The following PCDHGB3 variants were observed in gnomAD, a reference collection of about 807,000 sequenced individuals.
The protein encoded by PCDHGB3 is protocadherin gamma-B3.
A neutral mutation model predicts 59.2 loss-of-function variants in PCDHGB3; 40 were observed. That is an observed-to-expected ratio of 0.68 (90% CI 0.52 to 0.88). The LOEUF (loss-of-function observed/expected upper bound fraction) is 0.88, where lower values mean the gene tolerates loss of function less well. Ranked by LOEUF, PCDHGB3 falls within the 40% of genes least tolerant of loss-of-function variation. The pLI is 0.00. For synonymous variants in PCDHGB3, 581 were observed against 503.6 expected (o/e 1.15, Z -2.06); for missense variants, 1,309 against 1,187.9 (o/e 1.10, Z -1.50).
At chr5:141,406,043 A>G (rs1346440934) in intron 1 of PCDHGB3, among the ~76,000 whole-genome samples, 3 of 150,174 alleles carry the variant, frequency 2.0e-5, no homozygotes, top group East Asian at 3.9e-4. Context: ...CATTGGTTGC[A>G]GTGGACTCAT....
At chr5:141,417,781 G>C in intron 1 of PCDHGB3, 1 of 1,473,574 alleles carries the variant, frequency 6.8e-7, no homozygotes. Flanking sequence ...CCTGTCCTGG[G>C]CCGAATGCTC....
intron 1 of PCDHGB3, chr5:141,417,735 C>T (rs1408012587): frequency 1.4e-6 from 2 of 1,398,382 alleles, no homozygotes; most frequent in African/African-American, 2.9e-5. Flanking sequence ...CCTTGCCCAG[C>T]ACACCAGATT....
chr5:141,476,036 A>G lies in PCDHGB3; in HGVS notation c.2416-18771A>G. The G allele has an allele frequency of 1.4e-6, 2 of 1,471,164 alleles. No individual in the cohort carries two copies. Among genetic ancestry groups the G allele is most frequent in the Non-Finnish European group, 1.8e-6 (2 of 1,106,602 alleles). 91.1% of individuals were successfully genotyped at this position (1,471,164 alleles called of 1,614,324 possible). ...ATGTCGGACTCGGCGCCCAGCGCCCAAGCGCTAACCCGCTGAAAGTTTCTC... is the reference window on the plus strand; with the variant it reads ...ATGTCGGACTCGGCGCCCAGCGCCCGAGCGCTAACCCGCTGAAAGTTTCTC... On this transcript the variant is annotated intron_variant, in intron 1 of 3. Transcript: ENST00000576222. The surrounding 1 kb of genome is among the most constrained non-coding windows in gnomAD (Gnocchi z 7.6).
chr5:141,503,608 A>G (rs1451651299), intron 2 of PCDHGB3, among the ~76,000 whole-genome samples: 3 of 151,994 alleles, frequency 2.0e-5, no homozygotes, highest in South Asian at 2.1e-4. Flanking sequence ...CAAAAAAAAA[A>G]AAAAAAGAAA....
chr5:141,400,954 G>A (rs1195267748), intron 1 of PCDHGB3, among the ~76,000 whole-genome samples: 1 of 152,014 alleles, frequency 6.6e-6, no homozygotes, highest in African/African-American at 2.4e-5. Context: ...GATTTCACTG[G>A]TAGTTTTCAT....
chr5:141,405,059 G>A (rs374581472), intron 1 of PCDHGB3: 22 of 1,613,900 alleles, frequency 1.4e-5, no homozygotes, highest in Non-Finnish European at 1.9e-5. Flanking sequence ...CGTCTCCTGT[G>A]TCTTCCTCAC....
At chr5:141,423,250 G>T in intron 1 of PCDHGB3, 1 of 1,613,954 alleles carries the variant, frequency 6.2e-7, no homozygotes, top group Non-Finnish European at 8.5e-7. Context: ...AGTCCTGGCG[G>T]ACCTCGGCAG....
intron 1 of PCDHGB3, chr5:141,413,487 G>A (rs1190400492): frequency 1.9e-6 from 3 of 1,613,928 alleles, no homozygotes; most frequent in African/African-American, 2.7e-5. Context: ...CTCAGAGCGC[G>A]CGGTGCGTGG....
intron 1 of PCDHGB3, among the ~76,000 whole-genome samples, chr5:141,401,931 A>C: frequency 6.6e-6 from 1 of 152,352 alleles, no homozygotes; most frequent in Middle Eastern, 3.4e-3. Context: ...GATGCTTAGA[A>C]TAATGTTTAA....
At chr5:141,413,986 A>G (rs1464771336) in intron 1 of PCDHGB3, 1 of 1,613,554 alleles carries the variant, frequency 6.2e-7, no homozygotes, top group Admixed American at 1.7e-5. Flanking sequence ...AGTCACAGCC[A>G]CCGACAGGGA....
intron 1 of PCDHGB3, among the ~76,000 whole-genome samples, chr5:141,462,783 T>C (rs1313584666): frequency 6.6e-6 from 1 of 152,236 alleles, no homozygotes; most frequent in Non-Finnish European, 1.5e-5. Flanking sequence ...CATAATTTGT[T>C]GCTTATTTGC....
At chr5:141,505,599 G>T in intron 3 of PCDHGB3, 118 bp downstream of exon 3, 1 of 1,555,586 alleles carries the variant, frequency 6.4e-7, no homozygotes, top group Non-Finnish European at 8.7e-7. Context: ...CAGATCTTTC[G>T]GCAGGTCTGA....
At chr5:141,420,412 T>A in intron 1 of PCDHGB3, 1 of 1,225,004 alleles carries the variant, frequency 8.2e-7, no homozygotes, top group Non-Finnish European at 1.1e-6. Flanking sequence ...TGGTTATCAT[T>A]ATTAAAACAA....
rs746906389 is a variant in PCDHGB3 at position 141,384,782 on chromosome 5, C to T, written c.2415+11973C>T. The T allele has an allele frequency of 5.0e-6, 8 of 1,613,640 alleles. No individual in the cohort carries two copies. The highest frequency in any genetic ancestry group is 5.9e-6 in the Non-Finnish European group (7 of 1,179,944). On this transcript the variant is annotated intron_variant, in intron 1 of 3. Transcript: ENST00000576222. The stretch of plus-strand genomic sequence containing the variant: ...GGGCTGTACACGGGCGAGGTGCGCA[C>T]GGCTCGGGCCCTGCTGGACAGAGAT...
intron 1 of PCDHGB3, chr5:141,422,466 G>T: frequency 1.2e-6 from 2 of 1,613,528 alleles, no homozygotes; most frequent in Non-Finnish European, 1.7e-6. Flanking sequence ...TGCTGGACAG[G>T]GAGTTGGTCC....
intron 1 of PCDHGB3, chr5:141,388,637 T>C (rs993746447): frequency 6.2e-7 from 1 of 1,613,880 alleles, no homozygotes; most frequent in Non-Finnish European, 8.5e-7. Flanking sequence ...GGGTGAGCCT[T>C]TCAGAAAACG....
rs1248410660 is a variant in PCDHGB3, at chr5:141,394,098, A to G, written c.2415+21289A>G. On this transcript the variant is annotated intron_variant, in intron 1 of 3. Transcript: ENST00000576222. The stretch of plus-strand genomic sequence containing the variant: ...CACAGTGATGGCCTCAGATCTAGGA[A>G]CACCACCTCTGTCCACTGAAACTCA... 2.5e-6 allele frequency: 4 copies of G among 1,613,854 alleles called. No individual in the cohort carries two copies. In the East Asian group the frequency reaches 8.9e-5, roughly 36 times the overall value.
At chr5:141,395,174 AAATGATT>A in intron 1 of PCDHGB3, 1 of 1,614,220 alleles carries the variant, frequency 6.2e-7, no homozygotes, top group Non-Finnish European at 8.5e-7. Flanking sequence ...GCTGTGAGAA[AAATGATT>A]CTTTGTTAAC....
chr5:141,431,462 G>A lies in PCDHGB3; in HGVS notation c.2415+58653G>A. ...GCGCATCCGCGTGATGGTTCTGGAT[G>A]CGAACGACAACGCACCAGCGTTTGC... On this transcript the variant is annotated intron_variant, in intron 1 of 3. Transcript: ENST00000576222. This position sits in a 1 kb window ranked among gnomAD's most constrained non-coding sequence, Gnocchi z 4.8. 6.2e-7 allele frequency: 1 copy of A among 1,613,826 alleles called. No individual in the cohort carries two copies. The highest frequency in any genetic ancestry group is 2.2e-5 in the East Asian group (1 of 44,886).
Sources: gnomAD v4.1 joint callset for allele counts (sites outside exome capture counted in the v4.1 genomes callset) on GRCh38, gnomAD v4.1.1 for gene constraint, Gnocchi (gnomAD v3.1) non-coding constraint, MANE v1.5 for transcripts, NCBI Gene and HGNC (gene_info 2026-07-23, HGNC 2026-07-21) for gene names.